OSBPL10: variants seen among roughly 807,000 people sequenced by gnomAD.
OSBPL10 encodes the protein oxysterol binding protein like 10, also known as oxysterol-binding protein-related protein 10.
Under a neutral mutation model 81.7 loss-of-function variants are expected in OSBPL10, and 49 were observed. The observed-to-expected ratio is 0.60, with a 90% confidence interval of 0.48 to 0.76. OSBPL10 has a LOEUF of 0.76. Among genes scored for constraint, OSBPL10 ranks in the 30% least tolerant of loss-of-function variants. The probability of loss-of-function intolerance (pLI) is 0.00; values close to 1 mark genes in which losing one functional copy is unlikely to be tolerated. For synonymous variants in OSBPL10, 419 were observed against 383.6 expected, an observed-to-expected ratio of 1.09 and a Z score of -1.08; for missense variants, 923 against 987.8, an observed-to-expected ratio of 0.93 and a Z score of 0.88.
At chr3:32,014,683 A>G (rs564901586) in intron 2 of OSBPL10, among the ~76,000 whole-genome samples, 1 of 152,324 alleles carries the variant, frequency 6.6e-6, no homozygotes, top group East Asian at 1.9e-4. Context: ...ACATGACTGT[A>G]TATCTAGAAA....
intron 2 of OSBPL10, chr3:31,988,864 G>A: frequency 1.6e-6 from 1 of 615,530 alleles, no homozygotes; most frequent in Non-Finnish European, 2.8e-6. Flanking sequence ...ATGACCCACA[G>A]CTTGACTACA....
intron 7 of OSBPL10, among the ~76,000 whole-genome samples, chr3:31,696,439 A>AT (rs1165937737): frequency 2.6e-5 from 4 of 152,088 alleles, no homozygotes; most frequent in Admixed American, 6.5e-5. Context: ...TTTATACCAC[A>AT]TTTTTTCCCA....
At chr3:31,730,049 A>C (rs1170742729) in intron 6 of OSBPL10, among the ~76,000 whole-genome samples, 2 of 152,166 alleles carry the variant, frequency 1.3e-5, no homozygotes, top group Non-Finnish European at 2.9e-5. Flanking sequence ...GTGGAAAGAA[A>C]GTTAAGAGAG....
intron 6 of OSBPL10, among the ~76,000 whole-genome samples, chr3:31,721,187 C>T (rs1696632542): frequency 1.3e-5 from 2 of 152,134 alleles, no homozygotes; most frequent in Admixed American, 6.5e-5. Flanking sequence ...CCTCTAGAAG[C>T]TGGGAAAGCC....
intron 1 of OSBPL10, among the ~76,000 whole-genome samples, chr3:31,937,892 G>C (rs9866777): frequency 6.6e-6 from 1 of 152,058 alleles, no homozygotes; most frequent in Non-Finnish European, 1.5e-5. Flanking sequence ...AGTCCTCCCT[G>C]AGTCACCAAG....
intron 1 of OSBPL10, among the ~76,000 whole-genome samples, chr3:31,948,552 T>C (rs964197933): frequency 6.6e-6 from 1 of 152,228 alleles, no homozygotes; most frequent in Non-Finnish European, 1.5e-5. Flanking sequence ...CGGGCAGTCA[T>C]CCTCCGTCAT....
At chr3:31,817,541 G>A (rs569139047) in intron 4 of OSBPL10, among the ~76,000 whole-genome samples, 86 of 106,736 alleles carry the variant, frequency 8.1e-4, no homozygotes, top group African/African-American at 2.6e-3. Flanking sequence ...CTGTGGGTCA[G>A]GCGGCTGCAG....
chr3:31,726,569 C>T (rs552419638), intron 6 of OSBPL10, among the ~76,000 whole-genome samples: 6 of 152,210 alleles, frequency 3.9e-5, no homozygotes, highest in African/African-American at 1.4e-4. Context: ...CTGCCTCGGC[C>T]ACCCAAAGTG....
chr3:32,059,452 G>A (rs1461017238), intron 1 of OSBPL10, among the ~76,000 whole-genome samples: 1 of 150,470 alleles, frequency 6.6e-6, no homozygotes, highest in Non-Finnish European at 1.5e-5. Context: ...TTAGCCAGGC[G>A]TGGTGGTGGG....
chr3:31,777,698 C>T (rs996105516), intron 4 of OSBPL10, among the ~76,000 whole-genome samples: 4 of 152,178 alleles, frequency 2.6e-5, no homozygotes, highest in Admixed American at 6.5e-5. Context: ...ACTGAGTTCC[C>T]AAAGTGTGAG....
chr3:31,762,181 C>T (rs1178997806), intron 4 of OSBPL10, among the ~76,000 whole-genome samples: 1 of 152,194 alleles, frequency 6.6e-6, no homozygotes, highest in African/African-American at 2.4e-5. Flanking sequence ...ACAAGCTTAT[C>T]TAAAGCTCAA....
At chr3:32,000,002 T>C (rs756253151) in intron 2 of OSBPL10, among the ~76,000 whole-genome samples, 1 of 152,176 alleles carries the variant, frequency 6.6e-6, no homozygotes, top group Non-Finnish European at 1.5e-5. Flanking sequence ...GCCTCAGCTA[T>C]AACAGGGAGA....
intron 1 of OSBPL10, among the ~76,000 whole-genome samples, chr3:31,913,754 C>T (rs746916591): frequency 3.3e-5 from 5 of 152,102 alleles, no homozygotes; most frequent in South Asian, 2.1e-4. Flanking sequence ...TGACAAGAAG[C>T]GTTTTTTCAG....
intron 4 of OSBPL10, among the ~76,000 whole-genome samples, chr3:31,784,678 G>A (rs957773850): frequency 4.0e-5 from 6 of 150,136 alleles, no homozygotes; most frequent in African/African-American, 1.5e-4. Flanking sequence ...CACCTCCCGG[G>A]TTCAAATGAT....
chr3:31,991,466 C>T (rs944053535), intron 2 of OSBPL10: 3 of 166,982 alleles, frequency 1.8e-5, no homozygotes, highest in Admixed American at 6.5e-5. Flanking sequence ...AAACTTCTCA[C>T]CTTTTTACGT....
At chr3:31,683,482 A>G in intron 8 of OSBPL10, 152 bp downstream of exon 8, 10 of 1,227,840 alleles carry the variant, frequency 8.1e-6, no homozygotes, top group Non-Finnish European at 1.1e-5. Flanking sequence ...CCCAAACAAC[A>G]AAACCTGACC....
intron 3 of OSBPL10, among the ~76,000 whole-genome samples, chr3:31,847,237 C>G (rs1249730034): frequency 6.6e-6 from 1 of 151,434 alleles, no homozygotes; most frequent in Non-Finnish European, 1.5e-5. Flanking sequence ...CATTTGGTAG[C>G]CCAGGCTAGA....
At chr3:32,021,073 A>C (rs1699359543) in intron 2 of OSBPL10, among the ~76,000 whole-genome samples, 1 of 152,110 alleles carries the variant, frequency 6.6e-6, no homozygotes, top group Non-Finnish European at 1.5e-5. Context: ...TTAAAACACC[A>C]GTTCTGTTGG....
intron 1 of OSBPL10, among the ~76,000 whole-genome samples, chr3:32,056,603 T>A (rs1699714630): frequency 6.6e-6 from 1 of 152,256 alleles, no homozygotes; most frequent in Non-Finnish European, 1.5e-5. Context: ...ACTTTCTGAC[T>A]GAGCTCCTGT....
Sources: allele counts gnomAD v4.1 joint callset (sites outside exome capture counted in the v4.1 genomes callset), GRCh38; gene constraint gnomAD v4.1.1; transcripts MANE v1.5; gene names NCBI Gene and HGNC (gene_info 2026-07-23, HGNC 2026-07-21).